The following CTNNBL1 variants were observed in gnomAD, a reference collection of about 807,000 sequenced individuals.
CTNNBL1 encodes beta-catenin-like protein 1.
CTNNBL1 carries 31 observed loss-of-function variants against 72.7 expected under a neutral mutation model. That is an observed-to-expected ratio of 0.43 (90% CI 0.32 to 0.58). The LOEUF is 0.58. Ranked by LOEUF, CTNNBL1 falls within the 20% of genes least tolerant of loss-of-function variation. The pLI, the probability that CTNNBL1 is intolerant of heterozygous loss-of-function variation, is 0.08. For synonymous variants in CTNNBL1, 240 were observed against 267.3 expected, an observed-to-expected ratio of 0.90 and a Z score of 1.00; for missense variants, 534 against 725.1, an observed-to-expected ratio of 0.74 and a Z score of 3.03.
At chr20:37,727,233 C>T (rs1426336422) in intron 1 of CTNNBL1, 4 of 384,636 alleles carry the variant, frequency 1.0e-5, no homozygotes, top group Non-Finnish European at 1.4e-5. Flanking sequence ...GTATCCTAGG[C>T]AGATTGCTTA....
At chr20:37,835,504 GAT>G (rs1234132938) in intron 11 of CTNNBL1, among the ~76,000 whole-genome samples, 24 of 152,266 alleles carry the variant, frequency 1.6e-4, no homozygotes, top group African/African-American at 5.8e-4. Context: ...TCTGAGTGAG[GAT>G]ATGAGAAGAC....
At position 37,737,456 on chromosome 20, in the gene CTNNBL1, C is replaced by A. The variant is rs745310323; in HGVS notation, c.298C>A (p.Arg100=). The A allele has an allele frequency of 3.7e-6, 6 of 1,611,770 alleles. No individual in the cohort carries two copies. Among genetic ancestry groups the A allele is most frequent in the South Asian group, 1.1e-5 (1 of 90,908 alleles). The part of the protein sequence containing the change: ...EKRSYKNQEL[R]IKFPDNPEKF... ...GAGATCATATAAAAACCAAGAATTGCGGATTAAGTTTCCAGACAATCCAGA... is the reference window on the plus strand; with the variant it reads ...GAGATCATATAAAAACCAAGAATTGAGGATTAAGTTTCCAGACAATCCAGA... Residue 100 remains arginine (R), a synonymous_variant, in exon 3 of 16, where the codon CGG becomes AGG. Transcript: ENST00000361383.
rs138434401 is a variant in CTNNBL1 at position 37,858,034 on chromosome 20, C to A, written c.1393-1865C>A. On this transcript the variant is annotated intron_variant, in intron 13 of 15. Transcript: ENST00000361383. ...TAGTGAGACCCTGTCTCTACACACA[C>A]AAAAAAGTTTTAATTAGCTGAGTGT... Among the ~76,000 whole-genome samples, 920 of 152,248 alleles carry A rather than the reference C, an allele frequency of 6.0e-3. 11 individuals are homozygous for A. Among genetic ancestry groups the A allele is most frequent in the Non-Finnish European group, 9.6e-3 (652 of 68,016 alleles).
rs192409668 is a variant in CTNNBL1, at chr20:37,826,629, G to A, written c.1214-13473G>A. ...TGCCTCCTTCTCAACATTTTCTTAA[G>A]ATAATTTTCAAACATACAGAAAAGT... On this transcript the variant is annotated intron_variant, in intron 11 of 15. Transcript: ENST00000361383. Among the ~76,000 whole-genome samples, 276 of 152,256 alleles carry A rather than the reference G, an allele frequency of 1.8e-3. 1 individual carries two copies. Among genetic ancestry groups the A allele is most frequent in the Middle Eastern group, 0.017 (5 of 294 alleles).
chr20:37,806,392 A>G (rs968116705), intron 11 of CTNNBL1, among the ~76,000 whole-genome samples: 2 of 152,228 alleles, frequency 1.3e-5, no homozygotes, highest in African/African-American at 4.8e-5. Flanking sequence ...TAACTAGTAG[A>G]AAGGAGAGGT....
chr20:37,724,122 A>G (rs1161080483), intron 1 of CTNNBL1, among the ~76,000 whole-genome samples: 11 of 152,350 alleles, frequency 7.2e-5, no homozygotes, highest in African/African-American at 2.6e-4. Flanking sequence ...GAGCATTTCA[A>G]TTTGGTTAGA....
intron 10 of CTNNBL1, among the ~76,000 whole-genome samples, chr20:37,799,013 A>C (rs1021547219): frequency 1.3e-5 from 2 of 152,180 alleles, no homozygotes; most frequent in Non-Finnish European, 2.9e-5. Context: ...ATCTTAATAC[A>C]AAAAATCCCT....
Position 37,827,982 on chromosome 20 carries a change from G to A in CTNNBL1, c.1214-12120G>A, listed in dbSNP as rs142196775. On this transcript the variant is annotated intron_variant, in intron 11 of 15. Coordinates refer to ENST00000361383, the MANE Select transcript of CTNNBL1 (RefSeq NM_030877.5). Reference sequence around the variant, plus strand: ...AAATCTCTTGTGTTTGGTCTGGAATGCGTTTCCCCCTTTGTTGCCCTGATA... The same window carrying A: ...AAATCTCTTGTGTTTGGTCTGGAATACGTTTCCCCCTTTGTTGCCCTGATA... Among the ~76,000 whole-genome samples the A allele has an allele frequency of 1.3e-3, 203 of 152,212 alleles. 1 individual carries two copies. The highest frequency in any genetic ancestry group is 4.6e-3 in the African/African-American group (192 of 41,528).
Position 37,825,624 on chromosome 20 carries a change from G to A in CTNNBL1, c.1214-14478G>A, listed in dbSNP as rs540526358. Among the ~76,000 whole-genome samples, 13 of 152,260 alleles carry A rather than the reference G, an allele frequency of 8.5e-5. 1 individual carries two copies. The highest frequency in any genetic ancestry group is 5.8e-4 in the East Asian group (3 of 5,172). ...CAAGAAGTGGAGATTGCAGGGAGCCGAGATCGTGCCATTGCACTCCAGTCT... is the reference window on the plus strand; with the variant it reads ...CAAGAAGTGGAGATTGCAGGGAGCCAAGATCGTGCCATTGCACTCCAGTCT... On this transcript the variant is annotated intron_variant, in intron 11 of 15. Coordinates refer to ENST00000361383, the MANE Select transcript of CTNNBL1 (RefSeq NM_030877.5).
intron 4 of CTNNBL1, chr20:37,750,863 C>G (rs1204836686): frequency 1.3e-5 from 2 of 152,248 alleles, no homozygotes; most frequent in Admixed American, 1.3e-4. Context: ...CACCCTCCCC[C>G]ACCATGGTGT....
intron 9 of CTNNBL1, 32 bp from the exon 10 acceptor site, chr20:37,779,155 G>C: frequency 6.2e-7 from 1 of 1,608,602 alleles, no homozygotes; most frequent in Non-Finnish European, 8.5e-7. Context: ...TTCTCTTATA[G>C]CTCTGTGCTT....
chr20:37,777,553 A>G, intron 8 of CTNNBL1, 101 bp from the exon 9 acceptor site: 1 of 1,394,878 alleles, frequency 7.2e-7, no homozygotes, highest in East Asian at 2.3e-5. Flanking sequence ...GTACTCTGTC[A>G]AGCTGTATTG....
Position 37,860,306 on chromosome 20 carries a change from G to A in CTNNBL1, c.1565G>A (p.Arg522Gln), listed in dbSNP as rs763515386. The A allele has an allele frequency of 2.5e-6, 4 of 1,614,126 alleles. No homozygotes were observed. Among genetic ancestry groups the A allele is most frequent in the South Asian group, 2.2e-5 (2 of 91,074 alleles). The change falls in exon 15 of 16, where the codon CGA becomes CAA. Residue 522 changes from arginine (R) to glutamine (Q), a missense_variant. By Grantham distance (43) the Arg-to-Gln change is conservative (BLOSUM62 1). Coordinates refer to ENST00000361383, the MANE Select transcript of CTNNBL1 (RefSeq NM_030877.5). ...AGGGTTCACCAGATCCTAAACATGC[G>A]AGGAAGCTCCATCAAAATTGTCAGG... ...RQRVHQILNM[R>Q]GSSIKIVRHI...
chr20:37,798,639 T>C (rs2073799043), intron 10 of CTNNBL1, among the ~76,000 whole-genome samples: 1 of 152,182 alleles, frequency 6.6e-6, no homozygotes, highest in South Asian at 2.1e-4. Context: ...AAACATGTCT[T>C]ACACTGCCTA....
In CTNNBL1 at chr20:37,840,337, G is replaced by A. The variant is rs530937673; in HGVS notation, c.1311+138G>A. The A allele has an allele frequency of 1.6e-4, 104 of 643,556 alleles. 1 individual carries two copies. Among genetic ancestry groups the A allele is most frequent in the South Asian group, 1.4e-3 (77 of 53,988 alleles). 39.9% of individuals were successfully genotyped at this position (643,556 alleles called of 1,614,324 possible). A position where few individuals can be genotyped will look rare whatever the true frequency, so the allele number is the denominator to read the frequency against. ...TGGCACCTGGGCCCTGTTGCTTTGCGTGTCAAAGGCTCTTCTGGTTATTCT... is the reference window on the plus strand; with the variant it reads ...TGGCACCTGGGCCCTGTTGCTTTGCATGTCAAAGGCTCTTCTGGTTATTCT... On this transcript the variant is annotated intron_variant, in intron 12 of 15. Transcript: ENST00000361383.
intron 1 of CTNNBL1, among the ~76,000 whole-genome samples, chr20:37,712,640 C>A (rs2122561206): frequency 6.6e-6 from 1 of 152,298 alleles, no homozygotes; most frequent in South Asian, 2.1e-4. Flanking sequence ...TACAAAACAC[C>A]CAAACTTAAA....
chr20:37,794,417 A>G (rs1040561932), intron 10 of CTNNBL1, among the ~76,000 whole-genome samples: 5 of 152,138 alleles, frequency 3.3e-5, no homozygotes, highest in Non-Finnish European at 5.9e-5. Flanking sequence ...CCTGGGTTCA[A>G]GCGATTCCTG....
chr20:37,827,989 C>A (rs1455591646), intron 11 of CTNNBL1, among the ~76,000 whole-genome samples: 1 of 152,106 alleles, frequency 6.6e-6, no homozygotes, highest in East Asian at 1.9e-4. Flanking sequence ...AATGCGTTTC[C>A]CCCTTTGTTG....
chr20:37,804,471 G>A (rs895209143), intron 11 of CTNNBL1, among the ~76,000 whole-genome samples: 3 of 152,130 alleles, frequency 2.0e-5, no homozygotes, highest in Admixed American at 2.0e-4. Context: ...CAGCTAACTA[G>A]GTGTGCGACT....
Sources: gnomAD v4.1 joint callset for allele counts (sites outside exome capture counted in the v4.1 genomes callset) on GRCh38, gnomAD v4.1.1 for gene constraint, MANE v1.5 for transcripts, NCBI Gene and HGNC (gene_info 2026-07-23, HGNC 2026-07-21) for gene names.